The following UBE2QL1 variants were observed in gnomAD, a reference collection of about 807,000 sequenced individuals.
UBE2QL1 encodes the protein ubiquitin-conjugating enzyme E2Q-like protein 1.
UBE2QL1 carries 5 observed loss-of-function variants against 12.6 expected under a neutral mutation model. The ratio of observed to expected loss-of-function variants is 0.40; its 90% CI spans 0.21 to 0.83. The LOEUF (loss-of-function observed/expected upper bound fraction) is 0.83, where lower values mean the gene tolerates loss of function less well. UBE2QL1 is among the 40% of genes least tolerant of loss of function. The probability of loss-of-function intolerance (pLI) is 0.37; values close to 1 mark genes in which losing one functional copy is unlikely to be tolerated. For missense variants in UBE2QL1, 99 were observed against 222.6 expected (o/e 0.44, Z 3.53); for synonymous variants, 96 against 94.5 (o/e 1.02, Z -0.10).
At chr5:6,465,887 T>C (rs911879998) in intron 1 of UBE2QL1, among the ~76,000 whole-genome samples, 1 of 152,216 alleles carries the variant, frequency 6.6e-6, no homozygotes, top group African/African-American at 2.4e-5. Context: ...GTTTGCTTTT[T>C]ACCCCGCGCA....
Position 6,491,524 on chromosome 5 carries a change from G to A in UBE2QL1, c.*175G>A, listed in dbSNP as rs748144659. On this transcript the variant is annotated 3_prime_UTR_variant, in exon 2 of 2. Coordinates refer to ENST00000399816, the MANE Select transcript of UBE2QL1 (RefSeq NM_001145161.3). ...AAGATGTGTGTACAGAGAGGAAGAGGGAGCAAATGCCGTTCGGATTATGTT... is the reference window on the plus strand; with the variant it reads ...AAGATGTGTGTACAGAGAGGAAGAGAGAGCAAATGCCGTTCGGATTATGTT... 29 of 784,094 alleles carry A rather than the reference G, an allele frequency of 3.7e-5. No homozygotes were observed. The highest frequency in any genetic ancestry group is 5.3e-5 in the Non-Finnish European group (29 of 546,444). 48.6% of individuals were successfully genotyped at this position (784,094 alleles called of 1,614,324 possible).
In UBE2QL1 at chr5:6,460,563, G is replaced by A. The variant is rs1739631247; in HGVS notation, c.354+11316G>A. On this transcript the variant is annotated intron_variant, in intron 1 of 1. Coordinates refer to ENST00000399816, the MANE Select transcript of UBE2QL1 (RefSeq NM_001145161.3). Reference sequence around the variant, plus strand: ...TCTACTGCTGTGGACGCTTGCTGTTGCCTTTGCTGACATGCCATCATCAAA... The same window carrying A: ...TCTACTGCTGTGGACGCTTGCTGTTACCTTTGCTGACATGCCATCATCAAA... Among the ~76,000 whole-genome samples, 3 of 152,164 alleles carry A rather than the reference G, an allele frequency of 2.0e-5. No homozygotes were observed. The South Asian group carries it at 6.2e-4, about 32-fold the overall frequency.
intron 1 of UBE2QL1, among the ~76,000 whole-genome samples, chr5:6,486,310 GCACA>G (rs201381140): frequency 0.018 from 2,622 of 148,898 alleles, 62 homozygotes; most frequent in African/African-American, 0.053. Flanking sequence ...ACACACACAA[GCACA>G]CACACACACA....
intron 1 of UBE2QL1, among the ~76,000 whole-genome samples, chr5:6,449,525 G>T (rs185679523): frequency 1.3e-5 from 2 of 151,828 alleles, no homozygotes; most frequent in East Asian, 3.9e-4. Context: ...CGTCTCTCTG[G>T]TCTCTCTAGC....
chr5:6,478,320 G>GT lies in UBE2QL1; in HGVS notation c.355-12897dup. On this transcript the variant is annotated intron_variant, in intron 1 of 1. Coordinates refer to ENST00000399816, the MANE Select transcript of UBE2QL1 (RefSeq NM_001145161.3). The surrounding 1 kb of genome is among the most constrained non-coding windows in gnomAD (Gnocchi z 4.5). ...TATGACATGAGCTTTCTCTGTCATT[G>GT]TAAGTAACATGGCTTGGAAAGAGAC... is the stretch of plus-strand genomic sequence containing the variant. Among the ~76,000 whole-genome samples, 1 of 152,288 alleles carries GT rather than the reference G, an allele frequency of 6.6e-6. No individual in the cohort carries two copies. Among genetic ancestry groups the GT allele is most frequent in the African/African-American group, 2.4e-5 (1 of 41,560 alleles).
chr5:6,465,290 A>C (rs1173995433), intron 1 of UBE2QL1, among the ~76,000 whole-genome samples: 2 of 152,162 alleles, frequency 1.3e-5, no homozygotes, highest in Non-Finnish European at 2.9e-5. Flanking sequence ...CACAGTCAGC[A>C]TTTTAGTTTT....
At chr5:6,466,484 G>A (rs573178511) in intron 1 of UBE2QL1, among the ~76,000 whole-genome samples, 2 of 152,234 alleles carry the variant, frequency 1.3e-5, no homozygotes, top group Non-Finnish European at 2.9e-5. Flanking sequence ...CCCCCAGGTG[G>A]GGCTGGGCAG....
chr5:6,474,031 C>T lies in UBE2QL1; in HGVS notation c.355-17187C>T, dbSNP rs190418780. On this transcript the variant is annotated intron_variant, in intron 1 of 1. Transcript: ENST00000399816. ...GGCTGCAAACATAACATATTGCATACGGTCTTTTCAGTAAAATTGAAAGAT... is the reference window on the plus strand; with the variant it reads ...GGCTGCAAACATAACATATTGCATATGGTCTTTTCAGTAAAATTGAAAGAT... Among the ~76,000 whole-genome samples the T allele has an allele frequency of 6.6e-4, 100 of 152,322 alleles. 1 individual carries two copies. Among genetic ancestry groups the T allele is most frequent in the African/African-American group, 2.2e-3 (91 of 41,548 alleles).
At chr5:6,454,516 G>T (rs780312870) in intron 1 of UBE2QL1, among the ~76,000 whole-genome samples, 1 of 152,148 alleles carries the variant, frequency 6.6e-6, no homozygotes, top group African/African-American at 2.4e-5. Context: ...CATGTACCTT[G>T]GTGAAGGGAG....
intron 1 of UBE2QL1, among the ~76,000 whole-genome samples, chr5:6,487,469 G>A (rs529123857): frequency 6.6e-6 from 1 of 152,336 alleles, no homozygotes; most frequent in East Asian, 1.9e-4. Context: ...AAGAGAGGAA[G>A]TGTTGCTGTA....
At chr5:6,451,893 G>A (rs1398384260) in intron 1 of UBE2QL1, among the ~76,000 whole-genome samples, 2 of 152,124 alleles carry the variant, frequency 1.3e-5, no homozygotes, top group Non-Finnish European at 2.9e-5. Flanking sequence ...AATATGCTTT[G>A]GGAAAGCAAT....
At chr5:6,456,564 T>C (rs535667693) in intron 1 of UBE2QL1, among the ~76,000 whole-genome samples, 1 of 152,344 alleles carries the variant, frequency 6.6e-6, no homozygotes, top group African/African-American at 2.4e-5. Flanking sequence ...AAGCTAAGGT[T>C]TAATTGTTCA....
chr5:6,469,391 T>C (rs971684515), intron 1 of UBE2QL1, among the ~76,000 whole-genome samples: 6 of 149,646 alleles, frequency 4.0e-5, no homozygotes, highest in Non-Finnish European at 8.9e-5. Flanking sequence ...ACATAATCTA[T>C]ATTTTATATA....
At chr5:6,449,293 T>A (rs1244415692) in intron 1 of UBE2QL1, 46 bp downstream of exon 1, 3 of 1,309,396 alleles carry the variant, frequency 2.3e-6, no homozygotes, top group African/African-American at 3.1e-5. Flanking sequence ...CGAGATCGGG[T>A]CTGCAGCGCC....
chr5:6,472,475 C>T (rs1162666562), intron 1 of UBE2QL1, among the ~76,000 whole-genome samples: 1 of 152,132 alleles, frequency 6.6e-6, no homozygotes, highest in Non-Finnish European at 1.5e-5. Context: ...TGTTTTGCCC[C>T]TTGACAGGAC....
intron 1 of UBE2QL1, among the ~76,000 whole-genome samples, chr5:6,451,799 C>G (rs1345914573): frequency 2.0e-5 from 3 of 152,182 alleles, no homozygotes; most frequent in Admixed American, 6.5e-5. Flanking sequence ...TTGATTGTCT[C>G]TTTATGTACT....
chr5:6,481,110 A>G lies in UBE2QL1; in HGVS notation c.355-10108A>G, dbSNP rs1038468319. Among the ~76,000 whole-genome samples, 1 of 152,172 alleles carries G rather than the reference A, an allele frequency of 6.6e-6. No homozygotes were observed. The highest frequency in any genetic ancestry group is 1.5e-5 in the Non-Finnish European group (1 of 68,030). On this transcript the variant is annotated intron_variant, in intron 1 of 1. Coordinates refer to ENST00000399816, the MANE Select transcript of UBE2QL1 (RefSeq NM_001145161.3). The surrounding 1 kb of genome is among the most constrained non-coding windows in gnomAD (Gnocchi z 4.5). ...ACATCTCAGATGACTGTTTTTCAAG[A>G]GTTGGCCCGGAGCGTGCTTCTCGGG...
rs1734636165 is a variant in UBE2QL1 at position 6,494,639 on chromosome 5, T to C, written c.*3290T>C. Reference sequence around the variant, plus strand: ...GATTGTCAACGAAATGTAAGTGTCATTTTCGTAGTATTAGGACGTTTACAT... The same window carrying C: ...GATTGTCAACGAAATGTAAGTGTCACTTTCGTAGTATTAGGACGTTTACAT... On this transcript the variant is annotated 3_prime_UTR_variant, in exon 2 of 2. Coordinates refer to ENST00000399816, the MANE Select transcript of UBE2QL1 (RefSeq NM_001145161.3). 6.6e-6 allele frequency: 1 copy of C among 152,206 alleles called. No homozygotes were observed. Among genetic ancestry groups the C allele is most frequent in the African/African-American group, 2.4e-5 (1 of 41,448 alleles). 9.4% of individuals were successfully genotyped at this position (152,206 alleles called of 1,614,324 possible). A position where few individuals can be genotyped will look rare whatever the true frequency, so the allele number is the denominator to read the frequency against.
rs765301344 is a variant in UBE2QL1, at chr5:6,494,272, G to C, written c.*2923G>C. The C allele has an allele frequency of 6.6e-6, 1 of 152,276 alleles. No individual in the cohort carries two copies. The highest frequency in any genetic ancestry group is 1.5e-5 in the Non-Finnish European group (1 of 68,030). 9.4% of individuals were successfully genotyped at this position (152,276 alleles called of 1,614,324 possible). On this transcript the variant is annotated 3_prime_UTR_variant, in exon 2 of 2. Transcript: ENST00000399816. ...CTGAGAACTGCTTATGCCTTAGGGA[G>C]TTCTATGTGAGCAGCAAGGTTATTC...
Sources: allele counts gnomAD v4.1 joint callset (sites outside exome capture counted in the v4.1 genomes callset), GRCh38; gene constraint gnomAD v4.1.1; non-coding constraint Gnocchi (gnomAD v3.1); transcripts MANE v1.5; gene names NCBI Gene and HGNC (gene_info 2026-07-23, HGNC 2026-07-21).